The following INTU variants were observed in gnomAD, a reference collection of about 807,000 sequenced individuals.
The protein encoded by INTU is inturned planar cell polarity protein.
INTU carries 68 observed loss-of-function variants against 100.5 expected under a neutral mutation model. The observed-to-expected ratio is 0.68, with a 90% CI of 0.56 to 0.83. INTU has a LOEUF of 0.83. Ranked by LOEUF, INTU falls within the 40% of genes least tolerant of loss-of-function variation. INTU has a pLI of 0.00. For synonymous variants in INTU, 357 were observed against 395.7 expected (o/e 0.90, Z 1.16); for missense variants, 1,071 against 1,114.7 (o/e 0.96, Z 0.56).
In INTU at chr4:127,725,874, C is replaced by T. The variant is rs962124447; in HGVS notation, c.*9438C>T. 1 of 152,068 alleles carries T rather than the reference C, an allele frequency of 6.6e-6. No individual in the cohort carries two copies. The highest frequency in any genetic ancestry group is 6.6e-5 in the Admixed American group (1 of 15,260). 9.4% of individuals were successfully genotyped at this position (152,068 alleles called of 1,614,324 possible). On this transcript the variant is annotated 3_prime_UTR_variant, in exon 16 of 16. Coordinates refer to ENST00000335251, the MANE Select transcript of INTU (RefSeq NM_015693.4). ...CTATTTTTCCAAATATGTTCAGAAT[C>T]ACATCTGAAACATCAAACTGATTAT...
intron 6 of INTU, among the ~76,000 whole-genome samples, chr4:127,680,649 T>C (rs998019689): frequency 7.7e-6 from 1 of 129,158 alleles, no homozygotes; most frequent in African/African-American, 3.0e-5. Context: ...AATATCATAC[T>C]GAATGGGCAA....
chr4:127,725,983 CAT>C lies in INTU; in HGVS notation c.*9549_*9550del, dbSNP rs894297625. 15 of 152,112 alleles carry C rather than the reference CAT, an allele frequency of 9.9e-5. No individual in the cohort carries two copies. The highest frequency in any genetic ancestry group is 3.4e-4 in the African/African-American group (14 of 41,426). 9.4% of individuals were successfully genotyped at this position (152,112 alleles called of 1,614,324 possible). A position where few individuals can be genotyped will look rare whatever the true frequency, so the allele number is the denominator to read the frequency against. On this transcript the variant is annotated 3_prime_UTR_variant, in exon 16 of 16. Transcript: ENST00000335251. ...TATCCTAGAAATATGCTTTAGAAGACATAGAAACGTTGTTAAATTGGATTTTA... is the reference window on the plus strand; with the variant it reads ...TATCCTAGAAATATGCTTTAGAAGACAGAAACGTTGTTAAATTGGATTTTA...
chr4:127,646,983 C>T (rs1211963969), intron 2 of INTU, among the ~76,000 whole-genome samples: 1 of 152,162 alleles, frequency 6.6e-6, no homozygotes, highest in Non-Finnish European at 1.5e-5. Context: ...TTTCAATTCA[C>T]AATTTGATCT....
chr4:127,689,802 T>C (rs1342315606), intron 8 of INTU, among the ~76,000 whole-genome samples: 4 of 152,000 alleles, frequency 2.6e-5, no homozygotes, highest in East Asian at 1.9e-4. Context: ...TCGATATAGA[T>C]AGAAACATAG....
chr4:127,655,814 C>T (rs1448161696), intron 2 of INTU, among the ~76,000 whole-genome samples: 2 of 152,176 alleles, frequency 1.3e-5, no homozygotes, highest in Non-Finnish European at 2.9e-5. Flanking sequence ...GGGCGCCCCT[C>T]CCCCAGCCTC....
At chr4:127,674,550 T>C (rs1729085105) in intron 6 of INTU, among the ~76,000 whole-genome samples, 1 of 152,212 alleles carries the variant, frequency 6.6e-6, no homozygotes, top group Admixed American at 6.5e-5. Flanking sequence ...AGTTTTTTAC[T>C]GTTGGAGGTT....
At chr4:127,689,203 C>T (rs1329383581) in intron 8 of INTU, among the ~76,000 whole-genome samples, 1 of 151,758 alleles carries the variant, frequency 6.6e-6, no homozygotes, top group Non-Finnish European at 1.5e-5. Context: ...AGGCTGGTCT[C>T]GAACTCCTGA....
intron 11 of INTU, among the ~76,000 whole-genome samples, 200 bp from the exon 12 acceptor site, chr4:127,706,287 A>G (rs1258243433): frequency 6.6e-6 from 1 of 152,202 alleles, no homozygotes; most frequent in Non-Finnish European, 1.5e-5. Flanking sequence ...AAGATAAGGC[A>G]ATGTAAGATT....
chr4:127,715,021 T>G (rs1274743345), intron 15 of INTU, among the ~76,000 whole-genome samples: 2 of 151,960 alleles, frequency 1.3e-5, no homozygotes, highest in Non-Finnish European at 2.9e-5. Context: ...ATATCTATAT[T>G]TATAGGTATA....
At position 127,636,056 on chromosome 4, in the gene INTU, A is replaced by G. The variant is rs566130757; in HGVS notation, c.146+2876A>G. ...CAACGCAGGAGCATTGCTTGACACC[A>G]GGAGTCAGAAACCAGCCTCGGAAAC... is the stretch of plus-strand genomic sequence containing the variant. On this transcript the variant is annotated intron_variant, in intron 1 of 15. Transcript: ENST00000335251. 1.7e-4 allele frequency among the ~76,000 whole-genome samples: 26 copies of G among 152,204 alleles called. No individual in the cohort carries two copies. The South Asian group carries it at 5.0e-3, about 29-fold the overall frequency.
At chr4:127,652,959 T>C (rs963130941) in intron 2 of INTU, among the ~76,000 whole-genome samples, 2 of 148,350 alleles carry the variant, frequency 1.3e-5, no homozygotes, top group Non-Finnish European at 3.0e-5. Context: ...GGAGAGTGTA[T>C]ATGTCGAGGA....
At chr4:127,689,491 A>G (rs1730006047) in intron 8 of INTU, among the ~76,000 whole-genome samples, 1 of 151,884 alleles carries the variant, frequency 6.6e-6, no homozygotes, top group South Asian at 2.1e-4. Flanking sequence ...CTCCACAAAA[A>G]CTTTAAACAT....
At chr4:127,696,611 T>A (rs1183685481) in intron 8 of INTU, among the ~76,000 whole-genome samples, 1 of 152,030 alleles carries the variant, frequency 6.6e-6, no homozygotes, top group Non-Finnish European at 1.5e-5. Context: ...GTTTTATTGA[T>A]TTTTTTCAAG....
intron 4 of INTU, among the ~76,000 whole-genome samples, chr4:127,664,444 A>G (rs894464625): frequency 2.6e-5 from 4 of 151,956 alleles, no homozygotes; most frequent in African/African-American, 9.7e-5. Flanking sequence ...GCCTATTCAT[A>G]ATTAAGAAAG....
intron 11 of INTU, 82 bp from the exon 12 acceptor site, chr4:127,706,405 T>C (rs1730879421): frequency 5.0e-6 from 6 of 1,206,788 alleles, no homozygotes; most frequent in Non-Finnish European, 6.9e-6. Flanking sequence ...ATGTCTTCGA[T>C]ATTTATAAGT....
chr4:127,691,980 A>ATATATATATATATATATATG (rs971919620), intron 8 of INTU, among the ~76,000 whole-genome samples: 1 of 143,358 alleles, frequency 7.0e-6, no homozygotes, highest in African/African-American at 2.6e-5. Context: ...ATATATATAT[A>ATATATATATATATATATATG]TGTCACATTT....
intron 5 of INTU, among the ~76,000 whole-genome samples, chr4:127,669,833 G>A (rs1728845112): frequency 1.3e-5 from 2 of 151,934 alleles, no homozygotes; most frequent in South Asian, 4.1e-4. Flanking sequence ...TTAAAAGGAA[G>A]ACTTGACACT....
Position 127,643,549 on chromosome 4 carries a change from G to A in INTU, c.175G>A (p.Val59Met), listed in dbSNP as rs745374470. 2.5e-6 allele frequency: 4 copies of A among 1,605,732 alleles called. No homozygotes were observed. In the Admixed American group the frequency reaches 5.2e-5, roughly 21 times the overall value. Reference sequence around the variant, plus strand: ...TCTTGAGCCTGAATGGCTGGACAGTGTGCAGAAAAATGGAGAGCTGTTTTA... The same window carrying A: ...TCTTGAGCCTGAATGGCTGGACAGTATGCAGAAAAATGGAGAGCTGTTTTA... ...DDLEPEWLDS[V>M]QKNGELFYLE... The change falls in exon 2 of 16, where the codon GTG becomes ATG. Residue 59 changes from valine (V) to methionine (M), a missense_variant. Coordinates refer to ENST00000335251, the MANE Select transcript of INTU (RefSeq NM_015693.4).
rs1419955944 is a variant in INTU, at chr4:127,720,764, T to G, written c.*4328T>G. The G allele has an allele frequency of 6.6e-6, 1 of 152,194 alleles. No homozygotes were observed. Among genetic ancestry groups the G allele is most frequent in the African/African-American group, 2.4e-5 (1 of 41,452 alleles). The allele number at this position is 152,194 out of a possible 1,614,324, so 9.4% of individuals were successfully genotyped here. Reference sequence around the variant, plus strand: ...GTCTTTTTTTTAATCTTTATTCGTTTAAAGTCTTTGTCAGAAACTAGGATT... The same window carrying G: ...GTCTTTTTTTTAATCTTTATTCGTTGAAAGTCTTTGTCAGAAACTAGGATT... On this transcript the variant is annotated 3_prime_UTR_variant, in exon 16 of 16. Coordinates refer to ENST00000335251, the MANE Select transcript of INTU (RefSeq NM_015693.4).
Sources: gnomAD v4.1 joint callset for allele counts (sites outside exome capture counted in the v4.1 genomes callset) on GRCh38, gnomAD v4.1.1 for gene constraint, MANE v1.5 for transcripts, NCBI Gene and HGNC (gene_info 2026-07-23, HGNC 2026-07-21) for gene names.